The following COLEC10 variants were observed in gnomAD, a reference collection of about 807,000 sequenced individuals.
COLEC10 encodes the protein collectin-10.
A neutral mutation model predicts 28.4 loss-of-function variants in COLEC10; 22 were observed. That is an observed-to-expected ratio of 0.78 (90% CI 0.55 to 1.11). COLEC10 has a LOEUF of 1.11. Among genes scored for constraint, COLEC10 ranks in the 50% least tolerant of loss-of-function variants. COLEC10 has a pLI of 0.00. For synonymous variants in COLEC10, 125 were observed against 116.1 expected, an observed-to-expected ratio of 1.08 and a Z score of -0.49; for missense variants, 361 against 344.1, an observed-to-expected ratio of 1.05 and a Z score of -0.39.
chr8:118,972,378 G>A, the COLEC10 span, among the ~76,000 whole-genome samples: 1 of 151,880 alleles, frequency 6.6e-6, no homozygotes, highest in Non-Finnish European at 1.5e-5. Context: ...TAGGGCTGTG[G>A]GTACCTGCTC....
intron 2 of COLEC10, among the ~76,000 whole-genome samples, chr8:119,015,269 G>A (rs1232068656): frequency 6.7e-6 from 1 of 148,164 alleles, no homozygotes; most frequent in Non-Finnish European, 1.5e-5. Flanking sequence ...ATGAGCCTGT[G>A]TCTCTAGACT....
chr8:119,100,831 C>A (rs1457312431), intron 3 of COLEC10, among the ~76,000 whole-genome samples: 1 of 152,140 alleles, frequency 6.6e-6, no homozygotes, highest in Non-Finnish European at 1.5e-5. Context: ...CACATGTAAA[C>A]TGTATTCTGG....
At chr8:118,952,268 C>A in the COLEC10 span, 4 of 191,230 alleles carry the variant, frequency 2.1e-5, no homozygotes, top group African/African-American at 2.4e-5. Flanking sequence ...TGGGCACACG[C>A]TGGGCAGCTG....
At chr8:118,967,218 C>G in the COLEC10 span, among the ~76,000 whole-genome samples, 1 of 152,000 alleles carries the variant, frequency 6.6e-6, no homozygotes, top group South Asian at 2.1e-4. Context: ...TGTTTGGAAA[C>G]ACTTGATTTA....
At chr8:118,965,764 G>A in the COLEC10 span, among the ~76,000 whole-genome samples, 1 of 152,052 alleles carries the variant, frequency 6.6e-6, no homozygotes, top group Non-Finnish European at 1.5e-5. Context: ...ACCTGGCACA[G>A]TGCTTTGCTT....
At chr8:119,034,665 C>T (rs564920169) in intron 2 of COLEC10, among the ~76,000 whole-genome samples, 188 of 152,190 alleles carry the variant, frequency 1.2e-3, no homozygotes, top group African/African-American at 3.1e-3. Flanking sequence ...GCCAAGACCG[C>T]GCCACTGCAC....
At chr8:119,015,957 G>A (rs2130095142) in intron 2 of COLEC10, among the ~76,000 whole-genome samples, 1 of 152,244 alleles carries the variant, frequency 6.6e-6, no homozygotes, top group Middle Eastern at 3.4e-3. Context: ...GGTAGTGATT[G>A]AATCCTCACA....
intron 1 of COLEC10, among the ~76,000 whole-genome samples, chr8:119,074,760 T>C (rs954809391): frequency 2.0e-5 from 3 of 152,208 alleles, no homozygotes; most frequent in African/African-American, 4.8e-5. Flanking sequence ...TTCGCTGATA[T>C]TGCTTCCTTT....
chr8:119,008,560 G>A (rs1335060748), intron 1 of COLEC10, among the ~76,000 whole-genome samples: 3 of 150,312 alleles, frequency 2.0e-5, no homozygotes, highest in Non-Finnish European at 4.4e-5. Context: ...TCTCTTCAGG[G>A]AGATGCTCCT....
chr8:118,976,489 T>A, the COLEC10 span: 4,889 of 152,300 alleles, frequency 0.032, 149 homozygotes, highest in East Asian at 0.16. Flanking sequence ...TTTATATACT[T>A]GTACTTAAAA....
chr8:119,049,965 G>A (rs1438346479), intron 2 of COLEC10, among the ~76,000 whole-genome samples: 1 of 152,150 alleles, frequency 6.6e-6, no homozygotes, highest in African/African-American at 2.4e-5. Context: ...ATGGCTTTGA[G>A]GCTGAAGTTC....
intron 2 of COLEC10, among the ~76,000 whole-genome samples, chr8:119,022,324 C>T (rs1211638684): frequency 6.6e-6 from 1 of 152,080 alleles, no homozygotes; most frequent in Non-Finnish European, 1.5e-5. Flanking sequence ...CTCCCATAGT[C>T]AAGTATTTGT....
chr8:119,062,263 A>C (rs985718581), upstream of COLEC10, among the ~76,000 whole-genome samples: 11 of 152,132 alleles, frequency 7.2e-5, no homozygotes, highest in African/African-American at 2.2e-4. Context: ...TGAGTATCTA[A>C]ACTGAAAAAA....
intron 2 of COLEC10, among the ~76,000 whole-genome samples, chr8:119,053,674 T>TAA (rs988973184): frequency 9.8e-6 from 1 of 102,402 alleles, no homozygotes; most frequent in African/African-American, 5.1e-5. Context: ...TGTAGGCAAT[T>TAA]AAAAAAAAAG....
chr8:119,078,499 T>C (rs551374113), intron 1 of COLEC10, among the ~76,000 whole-genome samples: 2 of 152,164 alleles, frequency 1.3e-5, no homozygotes, highest in East Asian at 3.9e-4. Flanking sequence ...TGGGGTGCAA[T>C]AGAGAGGTAC....
intron 1 of COLEC10, among the ~76,000 whole-genome samples, chr8:119,005,042 C>T (rs1813769454): frequency 6.6e-6 from 1 of 152,062 alleles, no homozygotes; most frequent in Non-Finnish European, 1.5e-5. Flanking sequence ...TCAATGACAT[C>T]TGCTAAAGGA....
intron 1 of COLEC10, among the ~76,000 whole-genome samples, chr8:119,088,585 A>G (rs1413755254): frequency 6.6e-6 from 1 of 152,190 alleles, no homozygotes; most frequent in African/African-American, 2.4e-5. Context: ...TGTCTTTAGA[A>G]GGTTTTGATT....
At chr8:119,093,600 A>C (rs963971110) in intron 3 of COLEC10, among the ~76,000 whole-genome samples, 4 of 152,192 alleles carry the variant, frequency 2.6e-5, no homozygotes, top group Non-Finnish European at 5.9e-5. Context: ...TACCTCGATA[A>C]AATTTGTAAA....
Position 119,091,208 on chromosome 8 carries a change from A to C in COLEC10, c.280A>C (p.Ile94Leu). 1 of 1,611,968 alleles carries C rather than the reference A, an allele frequency of 6.2e-7. No individual in the cohort carries two copies. Among genetic ancestry groups the C allele is most frequent in the South Asian group, 1.1e-5 (1 of 90,754 alleles). The change falls in exon 3 of 6, where the codon ATT becomes CTT. Residue 94 changes from isoleucine (I) to leucine (L), a missense_variant. Physicochemically the swap from Ile to Leu is conservative, Grantham distance 5. Transcript: ENST00000332843. ...GGGCAATATTGGCAAGACTGGGCCC[A>C]TTGGGAAGAAGGGTAAGTTGCATCT... is the stretch of plus-strand genomic sequence containing the variant. The part of the protein sequence containing the change: ...DQGNIGKTGP[I>L]GKKGDKGEKG...
Sources: gnomAD v4.1 joint callset for allele counts (sites outside exome capture counted in the v4.1 genomes callset) on GRCh38, gnomAD v4.1.1 for gene constraint, MANE v1.5 for transcripts, NCBI Gene and HGNC (gene_info 2026-07-23, HGNC 2026-07-21) for gene names.